PLEKHM3: variants seen among roughly 807,000 people sequenced by gnomAD.
PLEKHM3 encodes pleckstrin homology domain containing M3.
A neutral mutation model predicts 81.8 loss-of-function variants in PLEKHM3; 45 were observed. That is an observed-to-expected ratio of 0.55 (90% CI 0.43 to 0.71). The LOEUF is 0.71. PLEKHM3 is among the 30% of genes least tolerant of loss of function. PLEKHM3 has a pLI of 0.00. For synonymous variants in PLEKHM3, 352 were observed against 356.4 expected (o/e 0.99, Z 0.14); for missense variants, 788 against 924.3 (o/e 0.85, Z 1.91).
chr2:208,017,971 G>C (rs1692981260), intron 1 of PLEKHM3, among the ~76,000 whole-genome samples: 1 of 151,962 alleles, frequency 6.6e-6, no homozygotes, highest in Admixed American at 6.6e-5. Flanking sequence ...CGTAAATGTG[G>C]GTATTCCTGT....
chr2:207,837,632 CT>C (rs756408346), intron 7 of PLEKHM3, among the ~76,000 whole-genome samples: 1,251 of 105,920 alleles, frequency 0.012, 16 homozygotes, highest in African/African-American at 0.021. Context: ...ATAGTTCTCC[CT>C]TTTTTTTTTT....
At chr2:207,997,966 G>A (rs1692175173) in intron 2 of PLEKHM3, among the ~76,000 whole-genome samples, 1 of 152,114 alleles carries the variant, frequency 6.6e-6, no homozygotes. Context: ...TTGACTAGTT[G>A]GCACCTGGAT....
At chr2:207,923,842 CAT>C (rs1689269253) in intron 5 of PLEKHM3, among the ~76,000 whole-genome samples, 1 of 119,328 alleles carries the variant, frequency 8.4e-6, no homozygotes, top group Admixed American at 9.0e-5. Context: ...CATATACATA[CAT>C]ACACACGCAC....
chr2:207,971,416 T>G (rs1448739730), intron 3 of PLEKHM3, among the ~76,000 whole-genome samples: 1 of 152,186 alleles, frequency 6.6e-6, no homozygotes, highest in African/African-American at 2.4e-5. Flanking sequence ...AGAAGGGAGA[T>G]ACTGAATGTT....
intron 7 of PLEKHM3, among the ~76,000 whole-genome samples, chr2:207,836,288 C>T (rs186626645): frequency 0.025 from 3,668 of 146,578 alleles, 161 homozygotes; most frequent in African/African-American, 0.088. Context: ...CATGCCACTG[C>T]ACTCCAGCCT....
chr2:208,014,410 G>A (rs1190106654), intron 1 of PLEKHM3, among the ~76,000 whole-genome samples: 8 of 152,190 alleles, frequency 5.3e-5, no homozygotes, highest in African/African-American at 1.4e-4. Flanking sequence ...TTTGGAGGCC[G>A]AGGCGGGCAG....
chr2:207,882,846 T>C (rs933664523), intron 6 of PLEKHM3, among the ~76,000 whole-genome samples: 16 of 152,140 alleles, frequency 1.1e-4, no homozygotes, highest in African/African-American at 1.7e-4. Flanking sequence ...TAATTTTTTT[T>C]CCCGAGATTC....
At chr2:207,989,918 G>T (rs948048975) in intron 2 of PLEKHM3, among the ~76,000 whole-genome samples, 2 of 152,200 alleles carry the variant, frequency 1.3e-5, no homozygotes, top group African/African-American at 4.8e-5. Context: ...CCCATGAAGG[G>T]CTGATGGCAT....
chr2:208,022,360 G>T (rs1199092400), intron 1 of PLEKHM3, among the ~76,000 whole-genome samples: 1 of 152,134 alleles, frequency 6.6e-6, no homozygotes, highest in Admixed American at 6.5e-5. Context: ...AGTTCTGAAG[G>T]TCAGAAGACT....
intron 5 of PLEKHM3, among the ~76,000 whole-genome samples, chr2:207,909,703 C>T (rs1348650396): frequency 6.6e-6 from 1 of 152,122 alleles, no homozygotes; most frequent in African/African-American, 2.4e-5. Flanking sequence ...TAGAAAACCA[C>T]AGGGTATATG....
At position 207,977,055 on chromosome 2, in the gene PLEKHM3, G is replaced by A. The variant is rs753723009; in HGVS notation, c.1142C>T (p.Thr381Ile). 1.9e-6 allele frequency: 3 copies of A among 1,614,224 alleles called. No homozygotes were observed. The highest frequency in any genetic ancestry group is 1.1e-5 in the South Asian group (1 of 91,088). ...LTVQNNWKAF[T>I]FVLSRAYLMA... ...AAGGTAAGCCCTGCTCAGCACAAATGTAAATGCCTTCCAGTTGTTTTGGAC... is the reference window on the plus strand; with the variant it reads ...AAGGTAAGCCCTGCTCAGCACAAATATAAATGCCTTCCAGTTGTTTTGGAC... Residue 381 changes from threonine (T) to isoleucine (I), a missense_variant, in exon 3 of 8, where the codon ACA becomes ATA. Transcript: ENST00000427836.
chr2:207,994,084 G>A (rs1351449958), intron 2 of PLEKHM3, among the ~76,000 whole-genome samples: 1 of 152,146 alleles, frequency 6.6e-6, no homozygotes. Context: ...CAGTAGGTTC[G>A]TAAACCAAAC....
chr2:208,011,320 G>A (rs965218635), intron 1 of PLEKHM3, among the ~76,000 whole-genome samples: 1 of 152,060 alleles, frequency 6.6e-6, no homozygotes, highest in African/African-American at 2.4e-5. Flanking sequence ...TTGCAGCTGC[G>A]AAAATGTGGA....
Position 207,837,760 on chromosome 2 carries a change from CATTTT to C in PLEKHM3, c.2109-9269_2109-9265del, listed in dbSNP as rs1278700875. Among the ~76,000 whole-genome samples, 15 of 59,396 alleles carry C rather than the reference CATTTT, an allele frequency of 2.5e-4. 1 individual carries two copies. The highest frequency in any genetic ancestry group is 5.6e-4 in the African/African-American group (9 of 16,034). 39.0% of individuals were successfully genotyped at this position (59,396 alleles called of 152,430 possible). ...AGCCACGGCGCCTGGCCGGTTCTTC[CATTTT>C]TTTTTTTTTTTTTTTTTTTTTTTGA... On this transcript the variant is annotated intron_variant, in intron 7 of 7. Transcript: ENST00000427836.
chr2:207,829,237 C>T (rs993432533), intron 7 of PLEKHM3, among the ~76,000 whole-genome samples: 5 of 152,032 alleles, frequency 3.3e-5, no homozygotes, highest in Admixed American at 6.5e-5. Flanking sequence ...GAAGCCTGCA[C>T]GGGAGTCTAA....
intron 1 of PLEKHM3, among the ~76,000 whole-genome samples, chr2:208,016,668 A>AAAACACACACACACAC (rs1553568085): frequency 9.7e-5 from 6 of 61,550 alleles, no homozygotes; most frequent in Non-Finnish European, 2.0e-4. Flanking sequence ...AAAAAAAAAA[A>AAAACACACACACACAC]ATACACACAC....
chr2:207,877,915 T>C (rs1187628379), intron 6 of PLEKHM3, among the ~76,000 whole-genome samples: 1 of 152,126 alleles, frequency 6.6e-6, no homozygotes, highest in Non-Finnish European at 1.5e-5. Context: ...GACTGTTTGA[T>C]ATGTGCCGTC....
chr2:208,020,417 A>G (rs541438445), intron 1 of PLEKHM3, among the ~76,000 whole-genome samples: 1 of 152,360 alleles, frequency 6.6e-6, no homozygotes, highest in African/African-American at 2.4e-5. Flanking sequence ...TTTTGCTCAT[A>G]ACTCATACTG....
intron 7 of PLEKHM3, among the ~76,000 whole-genome samples, chr2:207,859,279 C>T (rs2092454501): frequency 6.6e-6 from 1 of 151,632 alleles, no homozygotes; most frequent in Non-Finnish European, 1.5e-5. Flanking sequence ...GCTGGGATTA[C>T]AGGCATGTAC....
Sources: gnomAD v4.1 joint callset for allele counts (sites outside exome capture counted in the v4.1 genomes callset) on GRCh38, gnomAD v4.1.1 for gene constraint, MANE v1.5 for transcripts, NCBI Gene and HGNC (gene_info 2026-07-23, HGNC 2026-07-21) for gene names.